STK3: variants seen among roughly 807,000 people sequenced by gnomAD.
STK3 encodes the protein serine/threonine-protein kinase 3.
Under a neutral mutation model 58.0 loss-of-function variants are expected in STK3, and 41 were observed. The observed-to-expected ratio is 0.71, with a 90% CI of 0.55 to 0.92. STK3 has a LOEUF of 0.92. Among genes scored for constraint, STK3 ranks in the 40% least tolerant of loss-of-function variants. The probability of loss-of-function intolerance (pLI) is 0.00; values close to 1 mark genes in which losing one functional copy is unlikely to be tolerated. For missense variants in STK3, 479 were observed against 602.7 expected (o/e 0.79, Z 2.15); for synonymous variants, 170 against 191.0 (o/e 0.89, Z 0.91).
At chr8:98,396,115 A>C (rs947002628) in intron 3 of STK3, among the ~76,000 whole-genome samples, 3 of 152,252 alleles carry the variant, frequency 2.0e-5, no homozygotes, top group African/African-American at 7.2e-5. Flanking sequence ...TTATGGCACT[A>C]AAAACTCAAT....
At chr8:98,933,363 A>C (rs1315371012) in intron 1 of STK3, among the ~76,000 whole-genome samples, 1 of 152,222 alleles carries the variant, frequency 6.6e-6, no homozygotes, top group East Asian at 1.9e-4. Flanking sequence ...TATTGTAAGC[A>C]CTGGCATAAA....
chr8:98,427,273 G>T (rs1460181518), intron 3 of STK3: 3 of 151,470 alleles, frequency 2.0e-5, no homozygotes, highest in Admixed American at 6.6e-5. Flanking sequence ...CGCGATGCTC[G>T]CCCGCGGGTT....
intron 6 of STK3, among the ~76,000 whole-genome samples, chr8:98,646,814 GT>G (rs1820426746): frequency 6.6e-6 from 1 of 152,020 alleles, no homozygotes; most frequent in South Asian, 2.1e-4. Context: ...ACCTGATTAG[GT>G]CTTACCACCT....
At chr8:98,914,049 C>T (rs1564101000) in intron 1 of STK3, among the ~76,000 whole-genome samples, 1 of 149,708 alleles carries the variant, frequency 6.7e-6, no homozygotes, top group East Asian at 1.9e-4. Flanking sequence ...TCAGTTAAAG[C>T]CAATTCAAAA....
the STK3 span, among the ~76,000 whole-genome samples, chr8:98,365,632 G>C: frequency 6.6e-6 from 1 of 152,052 alleles, no homozygotes; most frequent in African/African-American, 2.4e-5. Flanking sequence ...CACCAGTCCT[G>C]TTCCCCTCCC....
chr8:98,617,575 C>G (rs965822181), intron 6 of STK3, among the ~76,000 whole-genome samples: 3 of 151,186 alleles, frequency 2.0e-5, no homozygotes, highest in Non-Finnish European at 4.4e-5. Context: ...GCAAGACTAA[C>G]AAAGAAAAAA....
chr8:98,731,389 C>T (rs1036108919), intron 4 of STK3, among the ~76,000 whole-genome samples: 3 of 151,870 alleles, frequency 2.0e-5, no homozygotes, highest in East Asian at 1.9e-4. Context: ...GGCATTTATC[C>T]CCAGATCAAA....
Position 98,746,025 on chromosome 8 carries a change from T to C in STK3, c.351+3251A>G, listed in dbSNP as rs533386866. On this transcript the variant is annotated intron_variant, in intron 4 of 10. Transcript: ENST00000419617. The stretch of plus-strand genomic sequence containing the variant: ...TAAACACATCTAAACATAGAAAAAG[T>C]ACAGTAAAAATACGATACTATAATC... 9.9e-5 allele frequency among the ~76,000 whole-genome samples: 15 copies of C among 152,246 alleles called. No individual in the cohort carries two copies. The South Asian group carries it at 1.2e-3, about 13-fold the overall frequency.
At chr8:98,704,959 G>T (rs765318197) in intron 6 of STK3, among the ~76,000 whole-genome samples, 1 of 152,100 alleles carries the variant, frequency 6.6e-6, no homozygotes, top group African/African-American at 2.4e-5. Flanking sequence ...CTAACTAAAA[G>T]AACCACAGAT....
exon 3 of STK3, chr8:98,371,412 G>C (rs1430581628): frequency 2.0e-5 from 3 of 152,218 alleles, no homozygotes; most frequent in Admixed American, 1.3e-4. Flanking sequence ...GGCTCCAAGA[G>C]CTTTGAAATA....
At chr8:98,359,234 G>A in the STK3 span, among the ~76,000 whole-genome samples, 2 of 151,508 alleles carry the variant, frequency 1.3e-5, no homozygotes, top group Admixed American at 1.3e-4. Flanking sequence ...AGTGCCGGGC[G>A]CGGTGGCTCA....
intron 3 of STK3, among the ~76,000 whole-genome samples, chr8:98,838,822 G>A (rs963473290): frequency 6.6e-6 from 1 of 151,908 alleles, no homozygotes; most frequent in African/African-American, 2.4e-5. Context: ...AAACTCTCAA[G>A]GTTATTCCAT....
rs376598058 is a variant in STK3 at position 98,376,008 on chromosome 8, T to C, written n.111+3145A>G. 3.4e-4 allele frequency among the ~76,000 whole-genome samples: 52 copies of C among 152,356 alleles called. 1 individual carries two copies. The East Asian group carries it at 9.4e-3, about 28-fold the overall frequency. ...GAAAAACTGTGAAACAACTTTTCAC[T>C]GGGGCTATCCCATTTTGCATTCCCA... On this transcript the variant is annotated intron_variant and non_coding_transcript_variant, in intron 2 of 2. Coordinates refer to the STK3 transcript ENST00000518704.
chr8:98,851,818 A>T (rs938070689), intron 3 of STK3, among the ~76,000 whole-genome samples: 2 of 152,136 alleles, frequency 1.3e-5, no homozygotes, highest in African/African-American at 4.8e-5. Flanking sequence ...CCTTGTCTTT[A>T]CAAAAACATT....
At chr8:98,629,646 C>T (rs1034801443) in intron 6 of STK3, among the ~76,000 whole-genome samples, 1 of 152,088 alleles carries the variant, frequency 6.6e-6, no homozygotes, top group African/African-American at 2.4e-5. Context: ...CCTGACCAGA[C>T]CAATGGAGGG....
At chr8:98,713,152 TA>T (rs1648818587) in intron 4 of STK3, among the ~76,000 whole-genome samples, 1 of 152,130 alleles carries the variant, frequency 6.6e-6, no homozygotes, top group Non-Finnish European at 1.5e-5. Context: ...GAGGGAAATT[TA>T]TAGCACTAAA....
chr8:98,900,749 C>G (rs899914227), intron 1 of STK3, among the ~76,000 whole-genome samples: 5 of 151,674 alleles, frequency 3.3e-5, no homozygotes, highest in African/African-American at 9.7e-5. Context: ...GCAACCTCCC[C>G]CCACTGGGTT....
intron 8 of STK3, among the ~76,000 whole-genome samples, chr8:98,560,768 C>T (rs1811948334): frequency 6.6e-6 from 1 of 152,140 alleles, no homozygotes. Context: ...AGAAGAGGCT[C>T]ACACCTGTAA....
intron 6 of STK3, among the ~76,000 whole-genome samples, chr8:98,648,447 C>G (rs1474022971): frequency 2.6e-5 from 4 of 152,148 alleles, no homozygotes; most frequent in Non-Finnish European, 4.4e-5. Context: ...CATATTTATG[C>G]TTTTATTTTT....
Sources: gnomAD v4.1 joint callset for allele counts (sites outside exome capture counted in the v4.1 genomes callset) on GRCh38, gnomAD v4.1.1 for gene constraint, MANE v1.5 for transcripts, NCBI Gene and HGNC (gene_info 2026-07-23, HGNC 2026-07-21) for gene names.